The following THSD7B variants were observed in gnomAD, a reference collection of about 807,000 sequenced individuals.
The protein encoded by THSD7B is thrombospondin type 1 domain containing 7B, also known as thrombospondin type-1 domain-containing protein 7B.
THSD7B carries 138 observed loss-of-function variants against 213.6 expected under a neutral mutation model. The observed-to-expected ratio is 0.65, with a 90% CI of 0.56 to 0.74. THSD7B has a LOEUF of 0.74. Among genes scored for constraint, THSD7B ranks in the 30% least tolerant of loss-of-function variants. The pLI is 0.00. For synonymous variants in THSD7B, 742 were observed against 687.0 expected, an observed-to-expected ratio of 1.08 and a Z score of -1.25; for missense variants, 1,931 against 1,991.5, an observed-to-expected ratio of 0.97 and a Z score of 0.58.
At chr2:137,119,798 G>A (rs1688515510) in intron 5 of THSD7B, among the ~76,000 whole-genome samples, 1 of 152,176 alleles carries the variant, frequency 6.6e-6, no homozygotes, top group East Asian at 1.9e-4. Flanking sequence ...AAAATTATGA[G>A]TTATCATATC....
At chr2:136,893,331 A>G (rs941466433) in intron 2 of THSD7B, among the ~76,000 whole-genome samples, 2 of 152,222 alleles carry the variant, frequency 1.3e-5, no homozygotes, top group Admixed American at 1.3e-4. Flanking sequence ...ACAATTTGAT[A>G]TGGGAAATAT....
chr2:136,987,189 A>T (rs1218405287), intron 2 of THSD7B, among the ~76,000 whole-genome samples: 1 of 152,172 alleles, frequency 6.6e-6, no homozygotes. Flanking sequence ...CATATAAACT[A>T]GAGAGCAAAT....
In THSD7B at chr2:137,120,605, T is replaced by C. The variant is rs376853792; in HGVS notation, c.1369+5312T>C. Among the ~76,000 whole-genome samples, 69 of 152,234 alleles carry C rather than the reference T, an allele frequency of 4.5e-4. No individual in the cohort carries two copies. In the East Asian group the frequency reaches 0.012, roughly 26 times the overall value. ...GATCTTTTCTTTCCATTAGGCTGCA[T>C]TATCTCTTTGCTTATATCTTGAACC... On this transcript the variant is annotated intron_variant, in intron 5 of 27. Coordinates refer to ENST00000409968, the MANE Select transcript of THSD7B (RefSeq NM_001316349.2).
At chr2:137,244,526 T>C (rs1246739885) in intron 10 of THSD7B, among the ~76,000 whole-genome samples, 1 of 152,208 alleles carries the variant, frequency 6.6e-6, no homozygotes, top group Non-Finnish European at 1.5e-5. Flanking sequence ...TTTCCTAGCA[T>C]TGGGTAAAGG....
At chr2:137,040,631 G>A (rs1215372160) in intron 2 of THSD7B, among the ~76,000 whole-genome samples, 1 of 151,992 alleles carries the variant, frequency 6.6e-6, no homozygotes, top group African/African-American at 2.4e-5. Flanking sequence ...CTGATCTCGT[G>A]ATCCACCCGC....
intron 15 of THSD7B, among the ~76,000 whole-genome samples, chr2:137,477,175 A>G (rs1225108100): frequency 1.3e-5 from 2 of 152,198 alleles, no homozygotes; most frequent in Non-Finnish European, 2.9e-5. Flanking sequence ...TATTTGCTTT[A>G]TAAATCTTGG....
At chr2:137,427,100 C>T (rs1230961888) in intron 14 of THSD7B, among the ~76,000 whole-genome samples, 8 of 152,016 alleles carry the variant, frequency 5.3e-5, no homozygotes, top group Middle Eastern at 3.2e-3. Context: ...AATAAGATAT[C>T]ACCTTAGACA....
Position 136,908,829 on chromosome 2 carries a change from G to A in THSD7B, c.139+26512G>A, listed in dbSNP as rs923045769. Among the ~76,000 whole-genome samples, 5 of 152,132 alleles carry A rather than the reference G, an allele frequency of 3.3e-5. No individual in the cohort carries two copies. In the East Asian group the frequency reaches 9.6e-4, roughly 29 times the overall value. On this transcript the variant is annotated intron_variant, in intron 2 of 27. Transcript: ENST00000409968. ...GATTATGTTTTCTGAATAAATAAGA[G>A]TAGAACATCATTTAACAAGTAAACT...
intron 2 of THSD7B, among the ~76,000 whole-genome samples, chr2:137,052,922 C>T (rs1295072044): frequency 1.3e-5 from 2 of 152,060 alleles, no homozygotes; most frequent in African/African-American, 4.8e-5. Context: ...TCATTTATTC[C>T]ATGTGTGCAC....
At chr2:137,004,721 T>C (rs1489766345) in intron 2 of THSD7B, among the ~76,000 whole-genome samples, 4 of 152,204 alleles carry the variant, frequency 2.6e-5, no homozygotes, top group Non-Finnish European at 5.9e-5. Context: ...ATTGGACATT[T>C]TATTGGACCC....
chr2:137,150,542 G>A (rs1679795971), intron 5 of THSD7B, among the ~76,000 whole-genome samples: 1 of 152,122 alleles, frequency 6.6e-6, no homozygotes, highest in African/African-American at 2.4e-5. Context: ...ATGTGAAGAA[G>A]GATGTGTTTT....
intron 7 of THSD7B, among the ~76,000 whole-genome samples, chr2:137,198,070 T>C (rs2196343): frequency 0.92 from 140,675 of 152,192 alleles, 65,278 homozygotes; most frequent in Middle Eastern, 0.98. Flanking sequence ...TCTGCCTGCT[T>C]GCTTTTCATT....
chr2:136,799,867 C>T (rs970850507), intron 1 of THSD7B, among the ~76,000 whole-genome samples: 12 of 151,846 alleles, frequency 7.9e-5, no homozygotes, highest in African/African-American at 2.4e-4. Flanking sequence ...TGTTCTAGAT[C>T]CCAAGATGGG....
At chr2:136,985,163 A>G (rs908962158) in intron 2 of THSD7B, among the ~76,000 whole-genome samples, 1 of 152,174 alleles carries the variant, frequency 6.6e-6, no homozygotes, top group African/African-American at 2.4e-5. Context: ...GTAGGGAAGG[A>G]ATCCAAGCAG....
rs1680232886 is a variant in THSD7B at position 137,170,825 on chromosome 2, G to T, written c.1610G>T (p.Cys537Phe). The T allele has an allele frequency of 6.2e-7, 1 of 1,613,620 alleles. No individual in the cohort carries two copies. The highest frequency in any genetic ancestry group is 8.5e-7 in the Non-Finnish European group (1 of 1,179,800). Residue 537 changes from cysteine (C) to phenylalanine (F), a missense_variant, in exon 7 of 28, where the codon TGT (cysteine) becomes TTT (phenylalanine). Transcript: ENST00000409968. ...HCPHLVESVPCEDPMCYRWLA... is the reference protein window; with the variant it reads ...HCPHLVESVPFEDPMCYRWLA... ...CCTCATTTGGTGGAGTCTGTTCCTT[G>T]TGAGGATCCAATGTGCTACCGATGG...
chr2:137,615,210 G>A (rs1390204313), intron 17 of THSD7B, among the ~76,000 whole-genome samples: 1 of 152,144 alleles, frequency 6.6e-6, no homozygotes, highest in Non-Finnish European at 1.5e-5. Flanking sequence ...GAAACAGAAT[G>A]GCGATGCAAA....
At chr2:137,160,491 C>G in intron 6 of THSD7B, 123 bp downstream of exon 6, 1 of 1,281,566 alleles carries the variant, frequency 7.8e-7, no homozygotes, top group East Asian at 2.5e-5. Flanking sequence ...ATAACCAGCT[C>G]AAGCCTAACG....
intron 15 of THSD7B, among the ~76,000 whole-genome samples, chr2:137,498,071 G>A (rs1362000722): frequency 6.6e-6 from 1 of 152,116 alleles, no homozygotes; most frequent in Non-Finnish European, 1.5e-5. Flanking sequence ...AATAATCCAA[G>A]GCATATGGAA....
chr2:136,868,191 A>G (rs1005144809), intron 1 of THSD7B, among the ~76,000 whole-genome samples: 4 of 152,118 alleles, frequency 2.6e-5, no homozygotes, highest in Non-Finnish European at 4.4e-5. Flanking sequence ...CCACTGGTCA[A>G]ACATGTTCTT....
Sources: allele counts gnomAD v4.1 joint callset (sites outside exome capture counted in the v4.1 genomes callset), GRCh38; gene constraint gnomAD v4.1.1; transcripts MANE v1.5; gene names NCBI Gene and HGNC (gene_info 2026-07-23, HGNC 2026-07-21).